The following NTAQ1 variants were observed in gnomAD, a reference collection of about 807,000 sequenced individuals.
NTAQ1 encodes protein N-terminal glutamine amidohydrolase.
NTAQ1 carries 21 observed loss-of-function variants against 28.2 expected under a neutral mutation model. That is an observed-to-expected ratio of 0.74 (90% CI 0.53 to 1.07). The LOEUF (loss-of-function observed/expected upper bound fraction) is 1.07, where lower values mean the gene tolerates loss of function less well. Ranked by LOEUF, NTAQ1 falls within the 50% of genes least tolerant of loss-of-function variation. The pLI is 0.00. For missense variants in NTAQ1, 264 were observed against 256.6 expected (o/e 1.03, Z -0.20); for synonymous variants, 105 against 90.0 (o/e 1.17, Z -0.94).
At chr8:123,443,731 C>T (rs564169429), downstream of NTAQ1, among the ~76,000 whole-genome samples, 4 of 152,288 alleles carry the variant, frequency 2.6e-5, no homozygotes, top group South Asian at 2.1e-4. Flanking sequence ...TGCCACAGTG[C>T]CCAGCTAATT....
intron 3 of NTAQ1, among the ~76,000 whole-genome samples, chr8:123,433,925 A>AT (rs35940452): frequency 0.18 from 27,426 of 148,748 alleles, 2,854 homozygotes; most frequent in Non-Finnish European, 0.25. Context: ...TTTTTTTGTG[A>AT]TTTTTTTTTT....
At chr8:123,449,159 G>C (rs1815391472), downstream of NTAQ1, among the ~76,000 whole-genome samples, 1 of 152,206 alleles carries the variant, frequency 6.6e-6, no homozygotes, top group African/African-American at 2.4e-5. Context: ...ACAGTGGACA[G>C]CAGTGTTCTG....
downstream of NTAQ1, among the ~76,000 whole-genome samples, chr8:123,452,797 C>T (rs1233530483): frequency 6.6e-6 from 1 of 151,810 alleles, no homozygotes; most frequent in Non-Finnish European, 1.5e-5. Flanking sequence ...ATCCCAGCTA[C>T]TCGGGAGGCT....
intron 6 of NTAQ1, among the ~76,000 whole-genome samples, chr8:123,464,807 G>C (rs1815923415): frequency 6.6e-6 from 1 of 152,172 alleles, no homozygotes; most frequent in South Asian, 2.1e-4. Flanking sequence ...CAGCACTTTG[G>C]GAGGCGGATC....
intron 1 of NTAQ1, among the ~76,000 whole-genome samples, chr8:123,424,748 AAG>A (rs1813939503): frequency 1.3e-5 from 2 of 152,048 alleles, no homozygotes; most frequent in South Asian, 2.1e-4. Context: ...GGAATGAACA[AAG>A]AGAAACTACA....
At chr8:123,467,941 G>T (rs926229816) in exon 7 of NTAQ1, among the ~76,000 whole-genome samples, 3 of 152,090 alleles carry the variant, frequency 2.0e-5, no homozygotes, top group Non-Finnish European at 4.4e-5. Context: ...TAGAGACAGG[G>T]TTTGCCATGT....
chr8:123,430,232 T>C (rs1275874544), intron 3 of NTAQ1, among the ~76,000 whole-genome samples, 199 bp downstream of exon 3: 10 of 152,246 alleles, frequency 6.6e-5, no homozygotes, highest in Non-Finnish European at 1.5e-4. Context: ...ACTTTTTGTT[T>C]TGAAATTATT....
At chr8:123,433,294 T>C (rs1814507608) in intron 3 of NTAQ1, among the ~76,000 whole-genome samples, 1 of 152,202 alleles carries the variant, frequency 6.6e-6, no homozygotes, top group Admixed American at 6.5e-5. Context: ...TGAATAGTCA[T>C]TATGTATGCC....
downstream of NTAQ1, among the ~76,000 whole-genome samples, chr8:123,449,974 T>TATAA (rs371673968): frequency 0.36 from 20,113 of 56,048 alleles, 6,705 homozygotes; most frequent in Non-Finnish European, 0.44. Flanking sequence ...TATATATATA[T>TATAA]GCTGGATAAA....
chr8:123,457,508 A>G (rs1012364046), intron 6 of NTAQ1, among the ~76,000 whole-genome samples: 3 of 152,240 alleles, frequency 2.0e-5, no homozygotes, highest in Non-Finnish European at 4.4e-5. Context: ...TATATGTAAT[A>G]CAATTAAATT....
chr8:123,425,055 G>A (rs908994746), intron 1 of NTAQ1, among the ~76,000 whole-genome samples: 2 of 152,000 alleles, frequency 1.3e-5, no homozygotes, highest in East Asian at 1.9e-4. Flanking sequence ...TTATTGTGAC[G>A]TAATATGACA....
downstream of NTAQ1, among the ~76,000 whole-genome samples, chr8:123,445,884 G>A (rs530797946): frequency 7.6e-4 from 115 of 152,190 alleles, no homozygotes; most frequent in Non-Finnish European, 7.1e-4. Flanking sequence ...GGGATTACAG[G>A]CGTGAGCCAC....
intron 1 of NTAQ1, among the ~76,000 whole-genome samples, chr8:123,421,847 C>T (rs2130150196): frequency 1.8e-5 from 2 of 111,192 alleles, no homozygotes; most frequent in East Asian, 6.4e-4. Context: ...CACCACCACA[C>T]CCGGCTAATT....
downstream of NTAQ1, among the ~76,000 whole-genome samples, chr8:123,449,630 T>C (rs1815411118): frequency 6.6e-6 from 1 of 151,862 alleles, no homozygotes. Context: ...GTGTGGAAGA[T>C]TGGTTGCTAT....
At position 123,416,860 on chromosome 8, in the gene NTAQ1, A is replaced by G. The variant is rs1813323063; in HGVS notation, c.11A>G (p.Asn4Ser). The G allele has an allele frequency of 2.0e-6, 3 of 1,529,948 alleles. No individual in the cohort carries two copies. Among genetic ancestry groups the G allele is most frequent in the Admixed American group, 2.0e-5 (1 of 49,166 alleles). 94.8% of individuals were successfully genotyped at this position (1,529,948 alleles called of 1,614,324 possible). ...CCCAGCTAGCCGGCCATGGAAGGTA[A>G]TGGCCCCGCTGCTGTCCACTACCAG... The part of the protein sequence containing the change: MEG[N>S]GPAAVHYQPA... The change falls in exon 1 of 6, where the codon AAT becomes AGT. Residue 4 changes from asparagine (N) to serine (S), a missense_variant. Transcript: ENST00000287387.
chr8:123,425,590 A>T (rs1310525472), intron 1 of NTAQ1, among the ~76,000 whole-genome samples: 1 of 151,964 alleles, frequency 6.6e-6, no homozygotes, highest in East Asian at 1.9e-4. Flanking sequence ...GCCTAGTTTT[A>T]TAGAGCATTT....
At chr8:123,463,582 T>A (rs759052035) in intron 6 of NTAQ1, among the ~76,000 whole-genome samples, 2 of 152,206 alleles carry the variant, frequency 1.3e-5, no homozygotes, top group Non-Finnish European at 2.9e-5. Context: ...TAAATAGATA[T>A]CAGAATCCAA....
At chr8:123,448,253 C>G (rs1336871051), downstream of NTAQ1, 2 of 152,184 alleles carry the variant, frequency 1.3e-5, no homozygotes, top group Non-Finnish European at 2.9e-5. Flanking sequence ...ATTTAGTCCT[C>G]CCTAAATAAT....
intron 1 of NTAQ1, among the ~76,000 whole-genome samples, chr8:123,420,725 TG>T (rs1813629291): frequency 6.6e-6 from 1 of 151,740 alleles, no homozygotes; most frequent in African/African-American, 2.4e-5. Flanking sequence ...CCTAAGTAGC[TG>T]GGAGTACAGG....
Sources: allele counts gnomAD v4.1 joint callset (sites outside exome capture counted in the v4.1 genomes callset), GRCh38; gene constraint gnomAD v4.1.1; transcripts MANE v1.5; gene names NCBI Gene and HGNC (gene_info 2026-07-23, HGNC 2026-07-21).